The following THOC2 variants were observed in gnomAD, a reference collection of about 807,000 sequenced individuals.
The protein encoded by THOC2 is THO complex subunit 2.
Under a neutral mutation model 128.4 loss-of-function variants are expected in THOC2, and 10 were observed. That is an observed-to-expected ratio of 0.08 (90% CI 0.05 to 0.13). The LOEUF is 0.13. Among genes scored for constraint, THOC2 ranks in the 10% least tolerant of loss-of-function variants. THOC2 has a pLI of 1.00. For missense variants in THOC2, 535 were observed against 1,155.7 expected, an observed-to-expected ratio of 0.46 and a Z score of 7.79; for synonymous variants, 393 against 396.9, an observed-to-expected ratio of 0.99 and a Z score of 0.12.
rs372646738 is a variant in THOC2, at chrX:123,619,367, T to C, written c.4311+34A>G. On this transcript the variant is annotated intron_variant, in intron 33 of 38. Coordinates refer to ENST00000245838, the MANE Select transcript of THOC2 (RefSeq NM_001081550.2). Reference sequence around the variant, plus strand: ...ATAAAATAAGTAAAGAACATTTGGTTTACTTAGGCATGATGATTTTAAAAG... The same window carrying C: ...ATAAAATAAGTAAAGAACATTTGGTCTACTTAGGCATGATGATTTTAAAAG... 9.4e-6 allele frequency: 9 copies of C among 956,367 alleles called. No homozygotes were observed. The East Asian group carries it at 1.2e-4, about 13-fold the overall frequency. The allele number at this position is 956,367 out of a possible 1,213,427, so 78.8% of individuals were successfully genotyped here.
chrX:123,688,708 G>A (rs944475792), intron 7 of THOC2, among the ~76,000 whole-genome samples: 1 of 111,041 alleles, frequency 9.0e-6, no homozygotes, highest in African/African-American at 3.3e-5. Flanking sequence ...GGAGAAATGT[G>A]CACTATCTTG....
chrX:123,607,796 A>T (rs770106432), intron 38 of THOC2, among the ~76,000 whole-genome samples: 1 of 111,021 alleles, frequency 9.0e-6, no homozygotes, highest in Non-Finnish European at 1.9e-5. Flanking sequence ...TATAGAATAG[A>T]AAATAAAAGG....
chrX:123,671,164 C>A (rs1420537953), intron 9 of THOC2, among the ~76,000 whole-genome samples: 1 of 111,206 alleles, frequency 9.0e-6, no homozygotes, highest in Non-Finnish European at 1.9e-5. Flanking sequence ...TTAGTGCACA[C>A]GAATAACACA....
intron 38 of THOC2, among the ~76,000 whole-genome samples, chrX:123,609,894 T>C (rs2046633766): frequency 9.1e-6 from 1 of 110,180 alleles, no homozygotes; most frequent in East Asian, 2.8e-4. Context: ...CCGGGCGCGG[T>C]GGCAGGCGCC....
At chrX:123,669,562 C>A (rs1455526720) in intron 9 of THOC2, among the ~76,000 whole-genome samples, 7 of 111,192 alleles carry the variant, frequency 6.3e-5, no homozygotes, top group Non-Finnish European at 1.3e-4. Flanking sequence ...ATGATCTGCC[C>A]GCCTTGGCCT....
At chrX:123,706,984 G>A in intron 2 of THOC2, 35 bp from the exon 3 acceptor site, 1 of 738,578 alleles carries the variant, frequency 1.4e-6, no homozygotes, top group South Asian at 3.7e-5. Context: ...TAAGGATACA[G>A]TCTCTTGAAC....
At chrX:123,715,410 A>G (rs1490738305) in intron 1 of THOC2, among the ~76,000 whole-genome samples, 1 of 110,960 alleles carries the variant, frequency 9.0e-6, no homozygotes, top group Non-Finnish European at 1.9e-5. Context: ...AAAGAAGAAT[A>G]AACTAAGTCC....
chrX:123,663,213 A>G (rs1206992885), intron 12 of THOC2, among the ~76,000 whole-genome samples: 1 of 111,765 alleles, frequency 8.9e-6, no homozygotes, highest in Non-Finnish European at 1.9e-5. Context: ...TGGTGGCTAC[A>G]CTCTGGTACG....
chrX:123,639,873 CTCTCA>C (rs1222994599), intron 16 of THOC2, among the ~76,000 whole-genome samples: 1 of 112,164 alleles, frequency 8.9e-6, no homozygotes, highest in African/African-American at 3.2e-5. Flanking sequence ...AGTCTAGTCT[CTCTCA>C]TATGTTTTAG....
chrX:123,704,578 G>C (rs781272156), intron 3 of THOC2, among the ~76,000 whole-genome samples: 12 of 111,303 alleles, frequency 1.1e-4, no homozygotes, highest in African/African-American at 2.9e-4. Flanking sequence ...CCCAAAATCG[G>C]GCCAGGCACA....
chrX:123,688,566 AC>A (rs1479180909), intron 7 of THOC2, among the ~76,000 whole-genome samples: 1 of 110,778 alleles, frequency 9.0e-6, no homozygotes, highest in Non-Finnish European at 1.9e-5. Context: ...CCCTGTCACT[AC>A]AAAAAATTAG....
intron 12 of THOC2, among the ~76,000 whole-genome samples, chrX:123,660,712 T>C (rs2048789818): frequency 2.7e-5 from 3 of 112,561 alleles, no homozygotes. Flanking sequence ...TTATACTTCC[T>C]TTCTAAATTT....
chrX:123,629,905 A>C (rs778153723), intron 22 of THOC2, among the ~76,000 whole-genome samples: 7 of 112,129 alleles, frequency 6.2e-5, no homozygotes, highest in Non-Finnish European at 1.1e-4. Flanking sequence ...AAGATCTAGA[A>C]TATGAACTAG....
chrX:123,664,336 A>G (rs2048967520), intron 12 of THOC2, among the ~76,000 whole-genome samples: 1 of 112,389 alleles, frequency 8.9e-6, no homozygotes, highest in Admixed American at 9.5e-5. Flanking sequence ...CAATGGCAAC[A>G]AAAGCCAAAA....
At chrX:123,639,705 A>G (rs149127606) in intron 16 of THOC2, among the ~76,000 whole-genome samples, 381 of 111,754 alleles carry the variant, frequency 3.4e-3, no homozygotes, top group African/African-American at 0.012. Flanking sequence ...ATTGGGTACT[A>G]TGCTCACTAT....
intron 38 of THOC2, chrX:123,602,168 T>C (rs1354399860): frequency 8.9e-6 from 1 of 112,357 alleles, no homozygotes; most frequent in Non-Finnish European, 1.9e-5. Flanking sequence ...GCTAGAAGGG[T>C]CCTTAGAAAA....
Position 123,665,692 on chromosome X carries a change from G to A in THOC2, c.1336C>T (p.Pro446Ser). 8.3e-7 allele frequency: 1 copy of A among 1,199,328 alleles called. No individual in the cohort carries two copies. The highest frequency in any genetic ancestry group is 1.1e-6 in the Non-Finnish European group (1 of 889,250). ...CYLGPHLSHDPILFAKVVRIG... is the reference protein window; with the variant it reads ...CYLGPHLSHDSILFAKVVRIG... ...CGCACCACTTTTGCAAATAAAATGG[G>A]ATCGTGAGAAAGGTGAGGACCAAGG... is the stretch of plus-strand genomic sequence containing the variant. The change falls in exon 12 of 39, where the codon CCC becomes TCC. Residue 446 changes from proline (P) to serine (S), a missense_variant. Coordinates refer to ENST00000245838, the MANE Select transcript of THOC2 (RefSeq NM_001081550.2).
chrX:123,624,899 A>G (rs1473387888), intron 25 of THOC2, among the ~76,000 whole-genome samples: 1 of 110,609 alleles, frequency 9.0e-6, no homozygotes, highest in Non-Finnish European at 1.9e-5. Flanking sequence ...AAGAAAGCTG[A>G]TTTACAGTGA....
chrX:123,701,495 T>A (rs1003361747), intron 4 of THOC2, among the ~76,000 whole-genome samples: 1 of 111,528 alleles, frequency 9.0e-6, no homozygotes, highest in African/African-American at 3.3e-5. Context: ...GGGAAAAATA[T>A]AATCTAGTAA....
Sources: allele counts gnomAD v4.1 joint callset (sites outside exome capture counted in the v4.1 genomes callset), GRCh38; gene constraint gnomAD v4.1.1; transcripts MANE v1.5; gene names NCBI Gene and HGNC (gene_info 2026-07-23, HGNC 2026-07-21).